Variants in LINC00305 observed in about 807,000 individuals in gnomAD.
The protein encoded by LINC00305 is long intergenic non-protein coding RNA 305.
rs188616981 is a variant in LINC00305, at chr18:64,104,484, C to T, written n.315-5844G>A. Among the ~76,000 whole-genome samples the T allele has an allele frequency of 2.6e-5, 4 of 152,296 alleles. No individual in the cohort carries two copies. The East Asian group carries it at 5.8e-4, about 22-fold the overall frequency. ...CCTCCTCCTGAGAACCCAACCTGCA[C>T]CTTAATCAATTACCATTCTTGCCTT... On this transcript the variant is annotated intron_variant and non_coding_transcript_variant, in intron 1 of 3. Coordinates refer to ENST00000666468, the Ensembl canonical transcript of LINC00305.
At chr18:64,136,408 G>A (rs1003534433) in intron 1 of LINC00305, among the ~76,000 whole-genome samples, 1 of 152,164 alleles carries the variant, frequency 6.6e-6, no homozygotes, top group Non-Finnish European at 1.5e-5. Flanking sequence ...TATAATCATG[G>A]CAGAAGGCAC....
intron 1 of LINC00305, among the ~76,000 whole-genome samples, chr18:64,125,927 A>C (rs2051383254): frequency 6.6e-6 from 1 of 152,084 alleles, no homozygotes; most frequent in South Asian, 2.1e-4. Context: ...CTGTGAGATC[A>C]CACAGAAAGA....
chr18:64,086,986 G>A (rs2051205857), intron 3 of LINC00305, among the ~76,000 whole-genome samples: 1 of 152,066 alleles, frequency 6.6e-6, no homozygotes, highest in African/African-American at 2.4e-5. Context: ...GCAAGAGAAG[G>A]GAAAGAGAGG....
intron 1 of LINC00305, among the ~76,000 whole-genome samples, chr18:64,144,911 A>T (rs1568120737): frequency 6.6e-6 from 1 of 151,996 alleles, no homozygotes; most frequent in Non-Finnish European, 1.5e-5. Flanking sequence ...TACCTCTGGG[A>T]GTGGAATGTG....
intron 3 of LINC00305, among the ~76,000 whole-genome samples, chr18:64,085,555 C>T (rs1028316788): frequency 5.9e-5 from 9 of 152,184 alleles, no homozygotes; most frequent in South Asian, 2.1e-4. Context: ...CTCTGCCTCC[C>T]GGGTTCAAGA....
intron 3 of LINC00305, among the ~76,000 whole-genome samples, chr18:64,087,759 T>C (rs1599204507): frequency 6.6e-6 from 1 of 152,156 alleles, no homozygotes; most frequent in Admixed American, 6.5e-5. Context: ...GATAAGGAAA[T>C]GAGTTATTGT....
chr18:64,119,916 A>C (rs548397747), intron 1 of LINC00305, among the ~76,000 whole-genome samples: 1 of 152,072 alleles, frequency 6.6e-6, no homozygotes, highest in Middle Eastern at 3.2e-3. Flanking sequence ...TGTTAGATAG[A>C]TATTAAAGTT....
intron 1 of LINC00305, among the ~76,000 whole-genome samples, chr18:64,141,641 T>TA (rs570786298): frequency 6.5e-4 from 99 of 152,278 alleles, no homozygotes; most frequent in Non-Finnish European, 1.1e-3. Flanking sequence ...GTGTATGTGG[T>TA]AAAAAAGTCA....
intron 1 of LINC00305, among the ~76,000 whole-genome samples, chr18:64,145,647 C>G (rs1010159916): frequency 3.9e-5 from 6 of 152,248 alleles, no homozygotes; most frequent in African/African-American, 1.4e-4. Flanking sequence ...AGCTCCTGAC[C>G]TCAGGTAATC....
intron 1 of LINC00305, chr18:64,098,788 G>GC: frequency 1.6e-5 from 4 of 256,984 alleles, no homozygotes; most frequent in East Asian, 9.8e-5. Context: ...AGCCTTAGAC[G>GC]TGTCCTCTAT....
chr18:64,122,675 T>A lies in LINC00305; in HGVS notation n.315-24035A>T, dbSNP rs375277900. 1.5e-4 allele frequency among the ~76,000 whole-genome samples: 23 copies of A among 152,240 alleles called. 1 individual carries two copies. Among genetic ancestry groups the A allele is most frequent in the African/African-American group, 5.5e-4 (23 of 41,566 alleles). On this transcript the variant is annotated intron_variant and non_coding_transcript_variant, in intron 1 of 3. Coordinates refer to ENST00000666468, the Ensembl canonical transcript of LINC00305. Reference sequence around the variant, plus strand: ...ATTGGTTTGGCAATTTGGGCTCTTTTCGTGTTCCGTATGAATATTATGATT... The same window carrying A: ...ATTGGTTTGGCAATTTGGGCTCTTTACGTGTTCCGTATGAATATTATGATT...
At chr18:64,127,975 G>T (rs1346755291) in intron 1 of LINC00305, among the ~76,000 whole-genome samples, 1 of 152,106 alleles carries the variant, frequency 6.6e-6, no homozygotes, top group African/African-American at 2.4e-5. Flanking sequence ...TTTACATGCT[G>T]AGCTCTCAAG....
intron 1 of LINC00305, among the ~76,000 whole-genome samples, chr18:64,112,117 T>C (rs2051317174): frequency 6.6e-6 from 1 of 152,160 alleles, no homozygotes; most frequent in Non-Finnish European, 1.5e-5. Flanking sequence ...CAGTAAACAC[T>C]GTGTGATACA....
At chr18:64,100,237 C>T (rs1216698654) in intron 1 of LINC00305, among the ~76,000 whole-genome samples, 2 of 151,944 alleles carry the variant, frequency 1.3e-5, no homozygotes, top group East Asian at 3.9e-4. Context: ...TAGCTGTAGA[C>T]CAAAGTAGTT....
intron 1 of LINC00305, among the ~76,000 whole-genome samples, chr18:64,134,462 G>A (rs559092190): frequency 6.6e-6 from 1 of 152,216 alleles, no homozygotes; most frequent in African/African-American, 2.4e-5. Context: ...TTTTTCTGGA[G>A]CAATGGTAGG....
intron 3 of LINC00305, among the ~76,000 whole-genome samples, chr18:64,091,482 A>G (rs2051224810): frequency 6.6e-6 from 1 of 152,254 alleles, no homozygotes; most frequent in African/African-American, 2.4e-5. Flanking sequence ...GCAGAACTTC[A>G]GATCAAGTGT....
intron 1 of LINC00305, among the ~76,000 whole-genome samples, chr18:64,115,030 G>C (rs571919697): frequency 6.6e-6 from 1 of 152,208 alleles, no homozygotes; most frequent in African/African-American, 2.4e-5. Context: ...CCCATTTGTC[G>C]TCAGCCCTCT....
intron 3 of LINC00305, among the ~76,000 whole-genome samples, chr18:64,094,358 T>C (rs1195207837): frequency 1.3e-5 from 2 of 152,108 alleles, no homozygotes; most frequent in Non-Finnish European, 2.9e-5. Context: ...CAGCACCCCA[T>C]GGATATTCCC....
chr18:64,135,555 C>T (rs2051429178), intron 1 of LINC00305, among the ~76,000 whole-genome samples: 1 of 152,140 alleles, frequency 6.6e-6, no homozygotes, highest in East Asian at 1.9e-4. Flanking sequence ...CGTGCTTTCT[C>T]CCTTTGTTCC....
Sources: gnomAD v4.1 joint callset for allele counts (sites outside exome capture counted in the v4.1 genomes callset) on GRCh38, gnomAD v4.1.1 for gene constraint, MANE v1.5 for transcripts, NCBI Gene and HGNC (gene_info 2026-07-23, HGNC 2026-07-21) for gene names.